CHL1: variants seen among roughly 807,000 people sequenced by gnomAD.
CHL1 encodes neural cell adhesion molecule L1-like protein.
Under a neutral mutation model 141.9 loss-of-function variants are expected in CHL1, and 96 were observed. The observed-to-expected ratio is 0.68, with a 90% CI of 0.57 to 0.80. CHL1 has a LOEUF of 0.80. CHL1 is among the 30% of genes least tolerant of loss of function. The probability of loss-of-function intolerance (pLI) is 0.00; values close to 1 mark genes in which losing one functional copy is unlikely to be tolerated. For synonymous variants in CHL1, 613 were observed against 502.2 expected (o/e 1.22, Z -2.95); for missense variants, 1,820 against 1,457.2 (o/e 1.25, Z -4.05).
chr3:215,235 A>G (rs1159406695), intron 1 of CHL1, among the ~76,000 whole-genome samples: 2 of 152,172 alleles, frequency 1.3e-5, no homozygotes, highest in African/African-American at 4.8e-5. Flanking sequence ...CTCAGCCATA[A>G]TAAGAATGAA....
At position 198,572 on chromosome 3, in the gene CHL1, C is replaced by G. The variant is rs184604842; in HGVS notation, c.-175+1509C>G. On this transcript the variant is annotated intron_variant, in intron 1 of 27. Coordinates refer to ENST00000256509, the MANE Select transcript of CHL1 (RefSeq NM_006614.4). ...CAATAATACGGAGATTATCGATACC[C>G]TCTATACTGGGTTGTTGCAAGACTG... Among the ~76,000 whole-genome samples, 310 of 152,310 alleles carry G rather than the reference C, an allele frequency of 2.0e-3. 2 individuals carry two copies. The highest frequency in any genetic ancestry group is 1.9e-3 in the Non-Finnish European group (132 of 68,030).
At chr3:284,891 C>A (rs1301200120) in intron 2 of CHL1, among the ~76,000 whole-genome samples, 1 of 151,726 alleles carries the variant, frequency 6.6e-6, no homozygotes, top group African/African-American at 2.4e-5. Context: ...GTAGATAATG[C>A]AATTAAGTAC....
At chr3:239,254 G>C (rs1247749627) in intron 1 of CHL1, among the ~76,000 whole-genome samples, 1 of 152,126 alleles carries the variant, frequency 6.6e-6, no homozygotes, top group African/African-American at 2.4e-5. Flanking sequence ...AGCAATTTTT[G>C]CATGTTAGTA....
chr3:402,485 G>T (rs1318194425), intron 27 of CHL1, among the ~76,000 whole-genome samples: 4 of 151,978 alleles, frequency 2.6e-5, no homozygotes, highest in Admixed American at 1.3e-4. Flanking sequence ...TTTTTCTCAG[G>T]TCTCCTGTAT....
At chr3:232,990 G>T (rs73018666) in intron 1 of CHL1, among the ~76,000 whole-genome samples, 10,535 of 151,568 alleles carry the variant, frequency 0.07, 405 homozygotes, top group Middle Eastern at 0.11. Context: ...AATCAATCTG[G>T]TCCTTTCTTT....
chr3:322,245 T>A (rs1201856132), intron 3 of CHL1, among the ~76,000 whole-genome samples: 1 of 151,994 alleles, frequency 6.6e-6, no homozygotes, highest in African/African-American at 2.4e-5. Flanking sequence ...GAACTTGAGC[T>A]AATATCCATA....
chr3:350,057 A>C (rs537950092), intron 10 of CHL1, among the ~76,000 whole-genome samples: 1 of 152,324 alleles, frequency 6.6e-6, no homozygotes, highest in South Asian at 2.1e-4. Flanking sequence ...ACACTTTTGT[A>C]ATCCATATCT....
At chr3:375,219 G>T (rs972594519) in intron 15 of CHL1, among the ~76,000 whole-genome samples, 6 of 152,124 alleles carry the variant, frequency 3.9e-5, no homozygotes, top group Non-Finnish European at 8.8e-5. Context: ...ATGGAGCATG[G>T]CTATGAAACC....
intron 1 of CHL1, among the ~76,000 whole-genome samples, chr3:229,828 C>A (rs1701699658): frequency 6.6e-6 from 1 of 152,126 alleles, no homozygotes; most frequent in Non-Finnish European, 1.5e-5. Context: ...TTGCCTTGAA[C>A]TTGAAAATCA....
chr3:361,909 G>C (rs1016189294), intron 13 of CHL1, 99 bp downstream of exon 13: 3 of 832,652 alleles, frequency 3.6e-6, no homozygotes, highest in African/African-American at 1.7e-5. Flanking sequence ...TGTCTATATT[G>C]TTACATGTAC....
At chr3:258,150 T>G (rs1188454390) in intron 2 of CHL1, among the ~76,000 whole-genome samples, 1 of 152,216 alleles carries the variant, frequency 6.6e-6, no homozygotes, top group South Asian at 2.1e-4. Context: ...AAACGTTCAC[T>G]TGCTCCCCCA....
chr3:409,241 C>T lies in CHL1; in HGVS notation c.*3530C>T, dbSNP rs761525212. 9 of 152,036 alleles carry T rather than the reference C, an allele frequency of 5.9e-5. No individual in the cohort carries two copies. Among genetic ancestry groups the T allele is most frequent in the East Asian group, 1.9e-4 (1 of 5,184 alleles). 9.4% of individuals were successfully genotyped at this position (152,036 alleles called of 1,614,324 possible). On this transcript the variant is annotated 3_prime_UTR_variant, in exon 28 of 28. Transcript: ENST00000256509. ...ATGAAAGGTATGTAGAACAGGTTCACGTGATTACCTTTTTCTTTTGGCTTG... is the reference window on the plus strand; with the variant it reads ...ATGAAAGGTATGTAGAACAGGTTCATGTGATTACCTTTTTCTTTTGGCTTG...
intron 2 of CHL1, among the ~76,000 whole-genome samples, chr3:272,968 A>G (rs891640333): frequency 5.3e-4 from 80 of 152,342 alleles, no homozygotes; most frequent in African/African-American, 1.8e-3. Context: ...CCTAGGGATC[A>G]TTCCTATTAA....
chr3:341,524 A>C (rs1702348109), intron 6 of CHL1, among the ~76,000 whole-genome samples: 1 of 152,100 alleles, frequency 6.6e-6, no homozygotes, highest in African/African-American at 2.4e-5. Flanking sequence ...TTTTCTTTTT[A>C]AATCATGTTT....
chr3:262,861 C>T (rs1559353227), intron 2 of CHL1, among the ~76,000 whole-genome samples: 1 of 152,198 alleles, frequency 6.6e-6, no homozygotes. Flanking sequence ...ACTGTGCAAA[C>T]TAATCAAAAC....
At chr3:273,274 T>A (rs952064439) in intron 2 of CHL1, among the ~76,000 whole-genome samples, 1 of 152,180 alleles carries the variant, frequency 6.6e-6, no homozygotes, top group Non-Finnish European at 1.5e-5. Flanking sequence ...AAAATGAATT[T>A]GCTGTTTCTC....
At chr3:393,334 A>G (rs1708403227) in intron 23 of CHL1, among the ~76,000 whole-genome samples, 1 of 151,968 alleles carries the variant, frequency 6.6e-6, no homozygotes, top group African/African-American at 2.4e-5. Flanking sequence ...TTTCAAAAAA[A>G]TTGTAAGAAC....
intron 1 of CHL1, among the ~76,000 whole-genome samples, chr3:237,419 T>C (rs1692103434): frequency 6.6e-6 from 1 of 152,250 alleles, no homozygotes; most frequent in African/African-American, 2.4e-5. Flanking sequence ...TCTCAGGAAG[T>C]TCTTTGTAGC....
intron 2 of CHL1, among the ~76,000 whole-genome samples, chr3:266,615 T>A (rs1352602696): frequency 2.1e-5 from 3 of 141,338 alleles, no homozygotes; most frequent in African/African-American, 7.7e-5. Context: ...GCAATATGTC[T>A]GATAGTGATT....
Sources: gnomAD v4.1 joint callset for allele counts (sites outside exome capture counted in the v4.1 genomes callset) on GRCh38, gnomAD v4.1.1 for gene constraint, MANE v1.5 for transcripts, NCBI Gene and HGNC (gene_info 2026-07-23, HGNC 2026-07-21) for gene names.